Variants in VTI1A observed in about 807,000 individuals in gnomAD.
VTI1A encodes vesicle transport through interaction with t-SNAREs homolog 1A.
A neutral mutation model predicts 34.9 loss-of-function variants in VTI1A; 22 were observed. The observed-to-expected ratio is 0.63, with a 90% confidence interval of 0.45 to 0.90. The LOEUF is 0.90. Among genes scored for constraint, VTI1A ranks in the 40% least tolerant of loss-of-function variants. The pLI, the probability that VTI1A is intolerant of heterozygous loss-of-function variation, is 0.00. For synonymous variants in VTI1A, 87 were observed against 97.3 expected (o/e 0.89, Z 0.62); for missense variants, 268 against 275.6 (o/e 0.97, Z 0.20).
At chr10:112,463,217 G>A (rs866613876) in intron 2 of VTI1A, among the ~76,000 whole-genome samples, 4 of 152,212 alleles carry the variant, frequency 2.6e-5, no homozygotes, top group Admixed American at 2.0e-4. Context: ...GAGCCACTGC[G>A]CCTGGCCTGG....
chr10:112,785,459 T>C (rs1852256032), intron 7 of VTI1A, among the ~76,000 whole-genome samples: 1 of 152,224 alleles, frequency 6.6e-6, no homozygotes, highest in South Asian at 2.1e-4. Context: ...CTCTATGGCT[T>C]GTCTTTTTAT....
intron 7 of VTI1A, among the ~76,000 whole-genome samples, chr10:112,682,500 G>C (rs1426386016): frequency 6.6e-6 from 1 of 152,170 alleles, no homozygotes; most frequent in Non-Finnish European, 1.5e-5. Flanking sequence ...TGTTAAATAT[G>C]AGTAGAAAAC....
chr10:112,653,593 A>G (rs1380603388), intron 5 of VTI1A, among the ~76,000 whole-genome samples: 1 of 152,218 alleles, frequency 6.6e-6, no homozygotes. Flanking sequence ...GGGATTAATA[A>G]TAATCGACTT....
intron 3 of VTI1A, among the ~76,000 whole-genome samples, chr10:112,473,093 A>T: frequency 7.0e-6 from 1 of 143,214 alleles, no homozygotes. Context: ...CAATGAGGTC[A>T]TTTGATCCAC....
At chr10:112,599,905 G>A (rs917115129) in intron 5 of VTI1A, among the ~76,000 whole-genome samples, 1 of 152,092 alleles carries the variant, frequency 6.6e-6, no homozygotes, top group African/African-American at 2.4e-5. Flanking sequence ...TGCTCAAAAC[G>A]AATAATAACG....
chr10:112,800,282 G>A (rs1852832411), intron 7 of VTI1A, among the ~76,000 whole-genome samples: 1 of 152,220 alleles, frequency 6.6e-6, no homozygotes, highest in Admixed American at 6.5e-5. Flanking sequence ...TTCCAGGCGA[G>A]TAGCTCAGCC....
At chr10:112,625,640 C>CAAA (rs766419906) in intron 5 of VTI1A, among the ~76,000 whole-genome samples, 848 of 82,590 alleles carry the variant, frequency 0.01, 48 homozygotes, top group Non-Finnish European at 0.014. Flanking sequence ...AACTCTGTCT[C>CAAA]AAAAAAAAAA....
intron 3 of VTI1A, among the ~76,000 whole-genome samples, chr10:112,474,934 AC>A (rs1422382138): frequency 1.3e-5 from 2 of 152,174 alleles, no homozygotes; most frequent in Non-Finnish European, 2.9e-5. Context: ...CAGGAAAGGG[AC>A]CCATCAGGTA....
intron 7 of VTI1A, among the ~76,000 whole-genome samples, chr10:112,769,309 CAGTG>C (rs940381751): frequency 2.6e-5 from 4 of 152,220 alleles, no homozygotes; most frequent in Non-Finnish European, 5.9e-5. Context: ...CCCAACTAGA[CAGTG>C]AGCCCTTCCT....
intron 7 of VTI1A, among the ~76,000 whole-genome samples, chr10:112,701,922 AAG>A (rs775575498): frequency 1.4e-4 from 21 of 152,204 alleles, no homozygotes; most frequent in Non-Finnish European, 3.1e-4. Context: ...GTATGAGAGA[AAG>A]GGGCAGTAAG....
chr10:112,723,271 A>G (rs1849876307), intron 7 of VTI1A, among the ~76,000 whole-genome samples: 1 of 152,174 alleles, frequency 6.6e-6, no homozygotes, highest in East Asian at 1.9e-4. Flanking sequence ...CTATAGAAAA[A>G]GTGCTCTTCC....
At chr10:112,741,496 A>G (rs1850694152) in intron 7 of VTI1A, among the ~76,000 whole-genome samples, 1 of 152,136 alleles carries the variant, frequency 6.6e-6, no homozygotes, top group African/African-American at 2.4e-5. Context: ...TGCAGTGATG[A>G]AAGTCTTCTA....
At chr10:112,654,984 T>C (rs556750412) in intron 5 of VTI1A, among the ~76,000 whole-genome samples, 1 of 152,292 alleles carries the variant, frequency 6.6e-6, no homozygotes, top group East Asian at 1.9e-4. Context: ...AAAACTTTAT[T>C]TACAAAAACA....
At chr10:112,542,009 T>C (rs1850889632) in intron 5 of VTI1A, among the ~76,000 whole-genome samples, 1 of 152,188 alleles carries the variant, frequency 6.6e-6, no homozygotes, top group Admixed American at 6.5e-5. Flanking sequence ...TTTGTTGTTG[T>C]TACTATTAAT....
At chr10:112,631,411 T>C (rs569087004) in intron 5 of VTI1A, among the ~76,000 whole-genome samples, 2 of 152,170 alleles carry the variant, frequency 1.3e-5, no homozygotes, top group Non-Finnish European at 2.9e-5. Context: ...CGTTAGGCAG[T>C]TGCTCCCCTT....
chr10:112,803,600 C>G (rs1195650280), intron 7 of VTI1A, among the ~76,000 whole-genome samples: 1 of 152,184 alleles, frequency 6.6e-6, no homozygotes, highest in African/African-American at 2.4e-5. Flanking sequence ...GTGTCCTCAA[C>G]TCTAAAATGA....
rs552169399 is a variant in VTI1A at position 112,602,024 on chromosome 10, A to G, written c.427+63694A>G. ...CTGAGTGCTGGGGTTGATGGCCATTAAAAATGAGAAGAACTGAAACATGCA... is the reference window on the plus strand; with the variant it reads ...CTGAGTGCTGGGGTTGATGGCCATTGAAAATGAGAAGAACTGAAACATGCA... On this transcript the variant is annotated intron_variant, in intron 5 of 7. Transcript: ENST00000393077. 2.6e-5 allele frequency among the ~76,000 whole-genome samples: 4 copies of G among 152,326 alleles called. No homozygotes were observed. In the South Asian group the frequency reaches 8.3e-4, roughly 32 times the overall value.
At chr10:112,719,211 T>C (rs962803498) in intron 7 of VTI1A, among the ~76,000 whole-genome samples, 1 of 152,254 alleles carries the variant, frequency 6.6e-6, no homozygotes, top group African/African-American at 2.4e-5. Context: ...AAATATATTT[T>C]GTGAGCTGCA....
chr10:112,771,676 A>G (rs1035091543), intron 7 of VTI1A, among the ~76,000 whole-genome samples: 1 of 152,228 alleles, frequency 6.6e-6, no homozygotes, highest in African/African-American at 2.4e-5. Context: ...CACCTCAAAA[A>G]GAAACCCTGT....
Sources: allele counts gnomAD v4.1 joint callset (sites outside exome capture counted in the v4.1 genomes callset), GRCh38; gene constraint gnomAD v4.1.1; transcripts MANE v1.5; gene names NCBI Gene and HGNC (gene_info 2026-07-23, HGNC 2026-07-21).